Variants in SPECC1L observed in about 807,000 individuals in gnomAD.
SPECC1L encodes the protein sperm antigen with calponin homology and coiled-coil domains 1 like.
SPECC1L carries 40 observed loss-of-function variants against 116.8 expected under a neutral mutation model. The observed-to-expected ratio is 0.34, with a 90% CI of 0.27 to 0.45. The LOEUF is 0.45. Among genes scored for constraint, SPECC1L ranks in the 20% least tolerant of loss-of-function variants. The pLI is 1.00. For missense variants in SPECC1L, 1,110 were observed against 1,373.6 expected, an observed-to-expected ratio of 0.81 and a Z score of 3.03; for synonymous variants, 504 against 500.6, an observed-to-expected ratio of 1.01 and a Z score of -0.09.
chr22:24,388,445 A>G (rs1013968892), intron 14 of SPECC1L, among the ~76,000 whole-genome samples: 2 of 151,452 alleles, frequency 1.3e-5, no homozygotes, highest in East Asian at 1.9e-4. Context: ...ATAGTATTCC[A>G]TGGTGTATAT....
intron 10 of SPECC1L, among the ~76,000 whole-genome samples, chr22:24,341,288 G>GATAATTTTCCAGGAACAGCCCCGCAAGA (rs2041172142): frequency 1.3e-5 from 2 of 152,180 alleles, no homozygotes; most frequent in African/African-American, 4.8e-5. Flanking sequence ...ACCCCACAAG[G>GATAATTTTCCAGGAACAGCCCCGCAAGA]ATAATTTTCC....
chr22:24,395,932 T>C (rs1217011645), intron 14 of SPECC1L, among the ~76,000 whole-genome samples: 5 of 152,182 alleles, frequency 3.3e-5, no homozygotes, highest in African/African-American at 1.2e-4. Context: ...ATTACAGGTG[T>C]GAGCCACCAA....
At chr22:24,396,674 A>G (rs925207627) in intron 14 of SPECC1L, among the ~76,000 whole-genome samples, 2 of 152,198 alleles carry the variant, frequency 1.3e-5, no homozygotes, top group Admixed American at 1.3e-4. Context: ...CCAGGGAATA[A>G]TTTAACCTTT....
chr22:24,363,522 C>T (rs1001812655), intron 12 of SPECC1L, among the ~76,000 whole-genome samples, 178 bp downstream of exon 12: 53 of 152,136 alleles, frequency 3.5e-4, no homozygotes, highest in African/African-American at 1.1e-3. Context: ...CCACTGTGCC[C>T]GGCCTAGCTG....
At chr22:24,282,067 A>G (rs924425715) in intron 2 of SPECC1L, among the ~76,000 whole-genome samples, 15 of 152,212 alleles carry the variant, frequency 9.9e-5, no homozygotes, top group Admixed American at 9.8e-4. Flanking sequence ...GGTGAAATCA[A>G]AAGGAGTTGA....
At chr22:24,378,383 T>C (rs1024582635) in intron 14 of SPECC1L, among the ~76,000 whole-genome samples, 1 of 152,258 alleles carries the variant, frequency 6.6e-6, no homozygotes, top group African/African-American at 2.4e-5. Flanking sequence ...ACTTTCTCCA[T>C]ATCAGCAATA....
chr22:24,296,809 G>T (rs1268815922), intron 2 of SPECC1L, among the ~76,000 whole-genome samples: 1 of 152,186 alleles, frequency 6.6e-6, no homozygotes, highest in Non-Finnish European at 1.5e-5. Context: ...ATTTGTGGAA[G>T]CATTTGTGAT....
intron 14 of SPECC1L, among the ~76,000 whole-genome samples, chr22:24,411,267 C>T (rs5751867): frequency 0.4 from 60,080 of 151,992 alleles, 13,007 homozygotes; most frequent in Non-Finnish European, 0.48. Flanking sequence ...TCTGTACTGT[C>T]ACCCCAACAG....
intron 2 of SPECC1L, among the ~76,000 whole-genome samples, chr22:24,298,047 A>G (rs528936268): frequency 2.0e-5 from 3 of 152,300 alleles, no homozygotes; most frequent in Admixed American, 6.5e-5. Context: ...TCCCCAACTT[A>G]CTGTGGTTCG....
chr22:24,310,680 T>C (rs1032377221), intron 3 of SPECC1L, among the ~76,000 whole-genome samples: 5 of 152,174 alleles, frequency 3.3e-5, no homozygotes, highest in Admixed American at 6.5e-5. Flanking sequence ...TTGGTCTTTT[T>C]CCCCTCAATT....
chr22:24,355,281 C>CAAAAA (rs751981921), intron 11 of SPECC1L, among the ~76,000 whole-genome samples: 1 of 55,998 alleles, frequency 1.8e-5, no homozygotes, highest in African/African-American at 6.9e-5. Flanking sequence ...GACTCCATCT[C>CAAAAA]AAAAAAAAAA....
intron 11 of SPECC1L, among the ~76,000 whole-genome samples, chr22:24,352,548 G>A (rs1055510313): frequency 2.0e-5 from 3 of 152,104 alleles, no homozygotes; most frequent in African/African-American, 7.2e-5. Context: ...AATGATTTAT[G>A]TTAAGGGTAC....
chr22:24,406,064 A>G (rs932002897), intron 14 of SPECC1L, among the ~76,000 whole-genome samples: 3 of 152,104 alleles, frequency 2.0e-5, no homozygotes, highest in African/African-American at 7.2e-5. Context: ...TTTTTCCTCA[A>G]TTGCCAAGAA....
In SPECC1L at chr22:24,314,596, A is replaced by T. The variant is rs140515473; in HGVS notation, c.307+1130A>T. On this transcript the variant is annotated intron_variant, in intron 4 of 16. Transcript: ENST00000314328. Reference sequence around the variant, plus strand: ...TCCATGGGTTTATCCTGATTCTTGCAGTTTAATTTTTGTGGAAGCTGGTCA... The same window carrying T: ...TCCATGGGTTTATCCTGATTCTTGCTGTTTAATTTTTGTGGAAGCTGGTCA... Among the ~76,000 whole-genome samples, 255 of 152,204 alleles carry T rather than the reference A, an allele frequency of 1.7e-3. 1 individual carries two copies. Among genetic ancestry groups the T allele is most frequent in the Middle Eastern group, 6.8e-3 (2 of 294 alleles).
chr22:24,337,415 A>G (rs930988918), intron 9 of SPECC1L, among the ~76,000 whole-genome samples: 1 of 152,246 alleles, frequency 6.6e-6, no homozygotes, highest in Non-Finnish European at 1.5e-5. Flanking sequence ...GCAGATTGCC[A>G]TACGCTGGCG....
chr22:24,342,408 C>G (rs768763199), intron 10 of SPECC1L, among the ~76,000 whole-genome samples: 1 of 152,156 alleles, frequency 6.6e-6, no homozygotes. Flanking sequence ...TGGTGACTCA[C>G]GCCTGTAATC....
At chr22:24,371,089 A>G (rs2041862097) in intron 14 of SPECC1L, among the ~76,000 whole-genome samples, 1 of 152,182 alleles carries the variant, frequency 6.6e-6, no homozygotes, top group African/African-American at 2.4e-5. Flanking sequence ...TTACCATGAT[A>G]ATAAAACTCC....
intron 11 of SPECC1L, among the ~76,000 whole-genome samples, chr22:24,355,934 G>A (rs1017810367): frequency 1.3e-5 from 2 of 150,542 alleles, no homozygotes; most frequent in African/African-American, 2.4e-5. Context: ...ACACAGTTCT[G>A]TACACAAGAG....
intron 5 of SPECC1L, among the ~76,000 whole-genome samples, chr22:24,323,619 C>A (rs1275226185): frequency 1.3e-5 from 2 of 152,100 alleles, no homozygotes; most frequent in Non-Finnish European, 2.9e-5. Context: ...TTCTAGCTTA[C>A]ATTTTATTTA....
Sources: allele counts gnomAD v4.1 joint callset (sites outside exome capture counted in the v4.1 genomes callset), GRCh38; gene constraint gnomAD v4.1.1; transcripts MANE v1.5; gene names NCBI Gene and HGNC (gene_info 2026-07-23, HGNC 2026-07-21).